The following TBC1D22A variants were observed in gnomAD, a reference collection of about 807,000 sequenced individuals.
TBC1D22A encodes putative GTPase activator.
A neutral mutation model predicts 60.2 loss-of-function variants in TBC1D22A; 38 were observed. The ratio of observed to expected loss-of-function variants is 0.63; its 90% confidence interval spans 0.49 to 0.83. The LOEUF (loss-of-function observed/expected upper bound fraction) is 0.83. Ranked by LOEUF, TBC1D22A falls within the 40% of genes least tolerant of loss-of-function variation. The pLI, the probability that TBC1D22A is intolerant of heterozygous loss-of-function variation, is 0.00. For synonymous variants in TBC1D22A, 302 were observed against 281.7 expected, an observed-to-expected ratio of 1.07 and a Z score of -0.72; for missense variants, 628 against 701.0, an observed-to-expected ratio of 0.90 and a Z score of 1.18.
At chr22:47,039,001 G>GTT (rs984111305) in intron 11 of TBC1D22A, among the ~76,000 whole-genome samples, 49 of 152,304 alleles carry the variant, frequency 3.2e-4, no homozygotes, top group African/African-American at 1.1e-3. Flanking sequence ...TGGTTAGGCT[G>GTT]TTTGAGACCC....
At position 46,809,470 on chromosome 22, in the gene TBC1D22A, G is replaced by A. The variant is rs576079568; in HGVS notation, c.637+11850G>A. 5.9e-5 allele frequency among the ~76,000 whole-genome samples: 9 copies of A among 152,260 alleles called. No homozygotes were observed. In the South Asian group the frequency reaches 1.5e-3, roughly 25 times the overall value. ...GAATTTGAGGATACAGTTCAGTCTCGAATAGTTAGCATATCTTTTTCAACT... is the reference window on the plus strand; with the variant it reads ...GAATTTGAGGATACAGTTCAGTCTCAAATAGTTAGCATATCTTTTTCAACT... On this transcript the variant is annotated intron_variant, in intron 4 of 12. Coordinates refer to ENST00000337137, the MANE Select transcript of TBC1D22A (RefSeq NM_014346.5).
chr22:46,933,749 C>A (rs755209666), intron 8 of TBC1D22A, among the ~76,000 whole-genome samples: 1 of 152,224 alleles, frequency 6.6e-6, no homozygotes, highest in Admixed American at 6.5e-5. Context: ...CCCCTGAGCA[C>A]GGGAAATGTG....
chr22:46,856,186 G>T (rs1031739314), intron 4 of TBC1D22A, among the ~76,000 whole-genome samples: 3 of 152,218 alleles, frequency 2.0e-5, no homozygotes, highest in Non-Finnish European at 4.4e-5. Flanking sequence ...GGCCCTACCC[G>T]AAGTGTGGAT....
chr22:46,936,227 TG>T (rs888432675), intron 8 of TBC1D22A, among the ~76,000 whole-genome samples: 1 of 152,182 alleles, frequency 6.6e-6, no homozygotes, highest in African/African-American at 2.4e-5. Context: ...GCGCTGTGAT[TG>T]GGTGAGGCCT....
chr22:47,002,212 T>A (rs1602928569), intron 10 of TBC1D22A, among the ~76,000 whole-genome samples: 2 of 152,398 alleles, frequency 1.3e-5, no homozygotes, highest in African/African-American at 2.4e-5. Flanking sequence ...TCGAGAACGC[T>A]TACACCTACT....
intron 9 of TBC1D22A, among the ~76,000 whole-genome samples, chr22:46,993,254 G>A (rs924792439): frequency 4.6e-5 from 7 of 152,180 alleles, no homozygotes; most frequent in Admixed American, 3.3e-4. Context: ...GTGTGATGTT[G>A]TAATGGCAAC....
At chr22:47,058,904 G>C (rs2063483231) in intron 11 of TBC1D22A, among the ~76,000 whole-genome samples, 2 of 152,166 alleles carry the variant, frequency 1.3e-5, no homozygotes, top group Admixed American at 6.5e-5. Flanking sequence ...CTTGAGCAGT[G>C]GTGGGGCCCT....
intron 12 of TBC1D22A, among the ~76,000 whole-genome samples, chr22:47,154,764 C>T (rs535044765): frequency 1.2e-4 from 19 of 152,362 alleles, no homozygotes; most frequent in African/African-American, 3.4e-4. Context: ...ACAGCCCACA[C>T]GGCTGCTCTT....
chr22:46,770,234 G>A (rs560308825), intron 1 of TBC1D22A, among the ~76,000 whole-genome samples: 2 of 152,312 alleles, frequency 1.3e-5, no homozygotes, highest in East Asian at 1.9e-4. Flanking sequence ...TAGAAGCTGC[G>A]AAAGGCCTTC....
In TBC1D22A at chr22:46,948,830, C is replaced by T. The variant is rs1376853101; in HGVS notation, c.1016-25460C>T. On this transcript the variant is annotated intron_variant, in intron 8 of 12. Transcript: ENST00000337137. The stretch of plus-strand genomic sequence containing the variant: ...TCTTGTAAGCACGGCCAAACAGAAA[C>T]ATGCTACCGAAGTCAGAAAATCAGA... Among the ~76,000 whole-genome samples, 4 of 152,222 alleles carry T rather than the reference C, an allele frequency of 2.6e-5. No individual in the cohort carries two copies. In the East Asian group the frequency reaches 7.7e-4, roughly 29 times the overall value.
At chr22:46,993,880 C>CGAGCCAG (rs60993555) in intron 9 of TBC1D22A, among the ~76,000 whole-genome samples, 3 of 152,056 alleles carry the variant, frequency 2.0e-5, no homozygotes, top group Non-Finnish European at 2.9e-5. Flanking sequence ...GCTCACCTCC[C>CGAGCCAG]GAGCCAGGAG....
chr22:47,004,519 G>A (rs2061517986), intron 10 of TBC1D22A, among the ~76,000 whole-genome samples: 1 of 143,026 alleles, frequency 7.0e-6, no homozygotes, highest in East Asian at 2.1e-4. Flanking sequence ...CTTCACATAT[G>A]CCTATACACA....
At chr22:47,169,356 G>A (rs1045836975) in intron 12 of TBC1D22A, among the ~76,000 whole-genome samples, 7 of 152,048 alleles carry the variant, frequency 4.6e-5, no homozygotes, top group Non-Finnish European at 8.8e-5. Context: ...CACCCAAGTC[G>A]CCCACCATCC....
At chr22:46,769,497 C>T (rs1180593805) in intron 1 of TBC1D22A, among the ~76,000 whole-genome samples, 1 of 152,234 alleles carries the variant, frequency 6.6e-6, no homozygotes, top group Non-Finnish European at 1.5e-5. Flanking sequence ...GGCAGAGTAG[C>T]AAGGCCCTCA....
At chr22:47,107,162 A>G (rs762442778) in intron 11 of TBC1D22A, among the ~76,000 whole-genome samples, 3 of 152,238 alleles carry the variant, frequency 2.0e-5, no homozygotes, top group Non-Finnish European at 2.9e-5. Flanking sequence ...AAATAATAGA[A>G]ACAATTCATT....
chr22:46,782,720 G>T (rs1185475831), intron 1 of TBC1D22A, among the ~76,000 whole-genome samples: 5 of 152,108 alleles, frequency 3.3e-5, no homozygotes, highest in Admixed American at 1.3e-4. Flanking sequence ...GTTGTATGTC[G>T]GTGGAATCAT....
At chr22:47,078,392 G>A (rs575526769) in intron 11 of TBC1D22A, among the ~76,000 whole-genome samples, 6 of 152,348 alleles carry the variant, frequency 3.9e-5, no homozygotes, top group Middle Eastern at 3.4e-3. Context: ...GTGTATGCAA[G>A]TGTGCCCCCT....
At chr22:47,049,873 G>A (rs749768361) in intron 11 of TBC1D22A, among the ~76,000 whole-genome samples, 5 of 152,172 alleles carry the variant, frequency 3.3e-5, no homozygotes, top group African/African-American at 4.8e-5. Context: ...AAATAGTCCC[G>A]TAAAAGAGGT....
intron 4 of TBC1D22A, among the ~76,000 whole-genome samples, chr22:46,837,216 G>A (rs1427868471): frequency 1.3e-5 from 2 of 152,184 alleles, no homozygotes; most frequent in Non-Finnish European, 2.9e-5. Flanking sequence ...GTGAATATAT[G>A]TGTATCCAAC....
Sources: allele counts gnomAD v4.1 joint callset (sites outside exome capture counted in the v4.1 genomes callset), GRCh38; gene constraint gnomAD v4.1.1; transcripts MANE v1.5; gene names NCBI Gene and HGNC (gene_info 2026-07-23, HGNC 2026-07-21).